CBFA2T2: variants seen among roughly 807,000 people sequenced by gnomAD.
CBFA2T2 encodes the protein CBFA2/RUNX1 partner transcriptional co-repressor 2.
In CBFA2T2, 11 loss-of-function variants were observed where a neutral mutation model predicts 62.2. The ratio of observed to expected loss-of-function variants is 0.18; its 90% confidence interval spans 0.11 to 0.29. The LOEUF (loss-of-function observed/expected upper bound fraction) is 0.29. Among genes scored for constraint, CBFA2T2 ranks in the 10% least tolerant of loss-of-function variants. The probability of loss-of-function intolerance (pLI) is 1.00; values close to 1 mark genes in which losing one functional copy is unlikely to be tolerated. For synonymous variants in CBFA2T2, 295 were observed against 287.5 expected (o/e 1.03, Z -0.27); for missense variants, 592 against 774.1 (o/e 0.76, Z 2.79).
rs2011957495 is a variant in CBFA2T2 at position 33,528,697 on chromosome 20, TG to T, written c.34+38397del. ...CCTGCCTTAAATGTCCACTCGTGTGTGTGTGTGTGTGTGCGTGTGTGGTGTA... is the reference window on the plus strand; with the variant it reads ...CCTGCCTTAAATGTCCACTCGTGTGTTGTGTGTGTGTGCGTGTGTGGTGTA... On this transcript the variant is annotated intron_variant, in intron 1 of 10. Transcript: ENST00000342704. Among the ~76,000 whole-genome samples, 3 of 152,016 alleles carry T rather than the reference TG, an allele frequency of 2.0e-5. No individual in the cohort carries two copies. The South Asian group carries it at 6.2e-4, about 32-fold the overall frequency.
chr20:33,607,051 C>A lies in CBFA2T2; in HGVS notation c.130C>A (p.Pro44Thr). 6.2e-7 allele frequency: 1 copy of A among 1,614,122 alleles called. No individual in the cohort carries two copies. Among genetic ancestry groups the A allele is most frequent in the Non-Finnish European group, 8.5e-7 (1 of 1,179,986 alleles). Residue 44 changes from proline to threonine, a missense_variant, in exon 2 of 11, where the codon CCA (proline) becomes ACA (threonine). Pro to Thr is a conservative substitution (Grantham distance 38). Around this residue, in one of 3 missense-constraint regions of CBFA2T2, gnomAD observed 449 missense variants for 551.2 expected, o/e 0.81. Coordinates refer to ENST00000342704, the MANE Select transcript of CBFA2T2 (RefSeq NM_001032999.3). ...ACCTCCCACCATGCCACCCCTCCCA[C>A]CAATAAATCCTGGAGGACCGAGGCC... ...SSPPTMPPLP[P>T]INPGGPRPVS...
At chr20:33,558,391 C>T (rs1236175773) in intron 1 of CBFA2T2, among the ~76,000 whole-genome samples, 1 of 152,158 alleles carries the variant, frequency 6.6e-6, no homozygotes, top group Non-Finnish European at 1.5e-5. Context: ...CCTCAATCTC[C>T]CAAGGCGCTG....
intron 1 of CBFA2T2, among the ~76,000 whole-genome samples, chr20:33,552,854 T>C (rs920226866): frequency 6.6e-5 from 10 of 152,200 alleles, no homozygotes; most frequent in African/African-American, 2.4e-4. Flanking sequence ...GGTTCCTATA[T>C]TATTCTGTTC....
intron 1 of CBFA2T2, among the ~76,000 whole-genome samples, chr20:33,599,162 T>A (rs2015016213): frequency 6.6e-6 from 1 of 152,018 alleles, no homozygotes; most frequent in African/African-American, 2.4e-5. Context: ...CTTGGGAAGC[T>A]GAGGCAGGAG....
chr20:33,621,042 CTCT>C (rs1395172767), intron 4 of CBFA2T2, among the ~76,000 whole-genome samples: 1 of 152,136 alleles, frequency 6.6e-6, no homozygotes, highest in Admixed American at 6.5e-5. Context: ...GTTGTCACGT[CTCT>C]TTAGTCCACT....
chr20:33,520,858 G>A (rs1399735409), intron 1 of CBFA2T2, among the ~76,000 whole-genome samples: 1 of 151,744 alleles, frequency 6.6e-6, no homozygotes, highest in Non-Finnish European at 1.5e-5. Flanking sequence ...TTACTCATGA[G>A]TGTTTTCGTT....
intron 1 of CBFA2T2, among the ~76,000 whole-genome samples, chr20:33,580,019 G>A (rs1222641307): frequency 6.6e-6 from 1 of 151,990 alleles, no homozygotes; most frequent in Non-Finnish European, 1.5e-5. Flanking sequence ...GTTTCTCCAT[G>A]TTGGTCAGGC....
In CBFA2T2 at chr20:33,579,123, T is replaced by G. The variant is rs138267623; in HGVS notation, c.35-27833T>G. Among the ~76,000 whole-genome samples the G allele has an allele frequency of 4.9e-3, 740 of 150,962 alleles. 9 individuals carry two copies. Among genetic ancestry groups the G allele is most frequent in the African/African-American group, 0.017 (679 of 40,962 alleles). On this transcript the variant is annotated intron_variant, in intron 1 of 10. Transcript: ENST00000342704. ...TTTGGGGGTTTTTTTTTGTTTTTTT[T>G]TTTTTTTAAGGAAAGCGTCTCCTTC...
At chr20:33,563,956 T>C (rs1455885014) in intron 1 of CBFA2T2, among the ~76,000 whole-genome samples, 3 of 152,096 alleles carry the variant, frequency 2.0e-5, no homozygotes, top group African/African-American at 7.2e-5. Flanking sequence ...ACAGAAGAAC[T>C]TTGAAAAAGT....
At chr20:33,587,592 G>C (rs2014433593) in intron 1 of CBFA2T2, among the ~76,000 whole-genome samples, 1 of 151,666 alleles carries the variant, frequency 6.6e-6, no homozygotes, top group Non-Finnish European at 1.5e-5. Context: ...GTAGAGACAG[G>C]GTTTCACCAT....
chr20:33,555,746 A>G (rs1161672067), intron 1 of CBFA2T2, among the ~76,000 whole-genome samples: 1 of 152,250 alleles, frequency 6.6e-6, no homozygotes, highest in East Asian at 1.9e-4. Context: ...TTCAGGTTTT[A>G]TAAATTATTT....
intron 3 of CBFA2T2, among the ~76,000 whole-genome samples, chr20:33,616,165 A>T (rs191541372): frequency 2.6e-5 from 4 of 152,302 alleles, no homozygotes; most frequent in Admixed American, 2.0e-4. Flanking sequence ...ATAGATATAG[A>T]TATAGATACA....
chr20:33,501,933 C>A (rs1174511023), intron 1 of CBFA2T2, among the ~76,000 whole-genome samples: 1 of 124,444 alleles, frequency 8.0e-6, no homozygotes, highest in Admixed American at 9.2e-5. Context: ...AGCCACTGCG[C>A]CTGGCCTAAT....
At chr20:33,527,671 C>T (rs2146866775) in intron 1 of CBFA2T2, among the ~76,000 whole-genome samples, 1 of 151,952 alleles carries the variant, frequency 6.6e-6, no homozygotes, top group South Asian at 2.1e-4. Context: ...CCTCACCCAG[C>T]CCTAAGTCTT....
At chr20:33,604,759 G>A (rs1190048118) in intron 1 of CBFA2T2, among the ~76,000 whole-genome samples, 1 of 152,196 alleles carries the variant, frequency 6.6e-6, no homozygotes, top group Non-Finnish European at 1.5e-5. Context: ...CTCCCTCTAG[G>A]TTGTTGCACA....
At chr20:33,584,591 C>T (rs1322102152) in intron 1 of CBFA2T2, among the ~76,000 whole-genome samples, 2 of 152,048 alleles carry the variant, frequency 1.3e-5, no homozygotes, top group African/African-American at 2.4e-5. Context: ...AGATTTTTCC[C>T]TCAGCCCATC....
Position 33,544,940 on chromosome 20 carries a change from T to TAGAAC in CBFA2T2, c.34+54644_34+54648dup, listed in dbSNP as rs1419558436. Among the ~76,000 whole-genome samples, 498 of 127,204 alleles carry TAGAAC rather than the reference T, an allele frequency of 3.9e-3. 13 individuals carry two copies. Among genetic ancestry groups the TAGAAC allele is most frequent in the African/African-American group, 0.013 (386 of 29,880 alleles). 83.5% of individuals were successfully genotyped at this position (127,204 alleles called of 152,430 possible). A position where few individuals can be genotyped will look rare whatever the true frequency, so the allele number is the denominator to read the frequency against. ...TTGTTGCATGCATGAGTGAATAGAA[T>TAGAAC]AGAACAGAATAGAATAGAATAGAAT... is the stretch of plus-strand genomic sequence containing the variant. On this transcript the variant is annotated intron_variant, in intron 1 of 10. Transcript: ENST00000342704.
intron 1 of CBFA2T2, among the ~76,000 whole-genome samples, chr20:33,557,643 A>G (rs1046539848): frequency 4.6e-5 from 7 of 151,986 alleles, no homozygotes; most frequent in African/African-American, 1.7e-4. Flanking sequence ...GGTAGCTAGG[A>G]CTGCGGGCAT....
At chr20:33,558,088 A>C (rs559262759) in intron 1 of CBFA2T2, among the ~76,000 whole-genome samples, 1 of 150,276 alleles carries the variant, frequency 6.7e-6, no homozygotes, top group Admixed American at 6.6e-5. Flanking sequence ...CGGCCTTCCA[A>C]AGTGCTGGGA....
Sources: gnomAD v4.1 joint callset for allele counts (sites outside exome capture counted in the v4.1 genomes callset) on GRCh38, gnomAD v4.1.1 for gene constraint, gnomAD v4.1.1 regional missense constraint, MANE v1.5 for transcripts, NCBI Gene and HGNC (gene_info 2026-07-23, HGNC 2026-07-21) for gene names.